FBXO15: variants seen among roughly 807,000 people sequenced by gnomAD.
FBXO15 encodes F-box only protein 15.
Under a neutral mutation model 49.5 loss-of-function variants are expected in FBXO15, and 30 were observed. That is an observed-to-expected ratio of 0.61 (90% confidence interval 0.45 to 0.82). The LOEUF (loss-of-function observed/expected upper bound fraction) is 0.82, where lower values mean the gene tolerates loss of function less well. Ranked by LOEUF, FBXO15 falls within the 40% of genes least tolerant of loss-of-function variation. FBXO15 has a pLI of 0.00. For synonymous variants in FBXO15, 250 were observed against 232.7 expected (o/e 1.07, Z -0.68); for missense variants, 591 against 631.5 (o/e 0.94, Z 0.69).
intron 5 of FBXO15, among the ~76,000 whole-genome samples, chr18:74,127,627 G>A (rs570577025): frequency 6.6e-6 from 1 of 152,302 alleles, no homozygotes; most frequent in South Asian, 2.1e-4. Context: ...TGCAATAAAA[G>A]TGCCGATCAA....
chr18:74,142,581 T>C (rs1229446910), intron 1 of FBXO15, among the ~76,000 whole-genome samples: 1 of 152,130 alleles, frequency 6.6e-6, no homozygotes. Flanking sequence ...TGTCCCTTAG[T>C]TTGTGTCAGC....
chr18:74,117,241 T>C (rs145292783), intron 8 of FBXO15, among the ~76,000 whole-genome samples: 73 of 152,306 alleles, frequency 4.8e-4, no homozygotes, highest in African/African-American at 1.5e-3. Context: ...GAAATCCTAC[T>C]TTGTCATCTT....
chr18:74,128,160 A>G (rs549001367), intron 5 of FBXO15, among the ~76,000 whole-genome samples: 4 of 152,286 alleles, frequency 2.6e-5, no homozygotes, highest in African/African-American at 9.6e-5. Flanking sequence ...ATTTTTCATC[A>G]TAACATTAAG....
Position 74,074,120 on chromosome 18 carries a change from G to T in FBXO15, c.1264-390C>A, listed in dbSNP as rs1453114750. Among the ~76,000 whole-genome samples the T allele has an allele frequency of 6.6e-6, 1 of 152,180 alleles. No homozygotes were observed. Among genetic ancestry groups the T allele is most frequent in the Non-Finnish European group, 1.5e-5 (1 of 68,032 alleles). ...AGGCACCGCATCACCCTGAGAAGCAGTGTGCCTGTGTTCCTGGGTCTTCAC... is the reference window on the plus strand; with the variant it reads ...AGGCACCGCATCACCCTGAGAAGCATTGTGCCTGTGTTCCTGGGTCTTCAC... On this transcript the variant is annotated intron_variant, in intron 9 of 9. Transcript: ENST00000419743. The surrounding 1 kb of genome is among the most constrained non-coding windows in gnomAD (Gnocchi z 4.7).
intron 3 of FBXO15, among the ~76,000 whole-genome samples, chr18:74,134,388 T>TC (rs1978585471): frequency 1.5e-5 from 2 of 135,860 alleles, no homozygotes; most frequent in African/African-American, 6.1e-5. Flanking sequence ...TTTTTTTTTT[T>TC]GAGATGGAGT....
intron 8 of FBXO15, among the ~76,000 whole-genome samples, chr18:74,101,860 T>C (rs578092541): frequency 5.3e-5 from 8 of 152,046 alleles, no homozygotes; most frequent in Non-Finnish European, 1.2e-4. Context: ...AAACATACAG[T>C]GGGGAAAGGA....
intron 8 of FBXO15, among the ~76,000 whole-genome samples, chr18:74,093,233 T>G: frequency 7.9e-6 from 1 of 126,750 alleles, no homozygotes; most frequent in East Asian, 2.9e-4. Context: ...TAAGGCAAGG[T>G]TCACTCATAC....
At chr18:74,093,188 G>A (rs890506410) in intron 8 of FBXO15, among the ~76,000 whole-genome samples, 4 of 148,504 alleles carry the variant, frequency 2.7e-5, no homozygotes, top group Non-Finnish European at 4.4e-5. Context: ...ATAGCATGGT[G>A]GAGTGCACAT....
intron 1 of FBXO15, among the ~76,000 whole-genome samples, chr18:74,145,342 G>GT (rs1019839697): frequency 1.6e-5 from 2 of 127,464 alleles, no homozygotes; most frequent in African/African-American, 3.9e-5. Flanking sequence ...TTGCTGTTTT[G>GT]TTTTTTCACA....
Position 74,081,933 on chromosome 18 carries a change from A to G in FBXO15, c.1257T>C (p.Cys419=), listed in dbSNP as rs773165597. ...LSWKTDIFDG[C]IKSCSMMDVT... ...AAAACGGTTCTGTTTTTACCTTTATACAGCCATCAAAAATATCAGTTTTCC... is the reference window on the plus strand; with the variant it reads ...AAAACGGTTCTGTTTTTACCTTTATGCAGCCATCAAAAATATCAGTTTTCC... Residue 419 remains cysteine (C), a synonymous_variant, in exon 9 of 10, where the codon TGT becomes TGC. Transcript: ENST00000419743. 6.2e-7 allele frequency: 1 copy of G among 1,610,988 alleles called. No homozygotes were observed. Among genetic ancestry groups the G allele is most frequent in the Non-Finnish European group, 8.5e-7 (1 of 1,178,608 alleles).
intron 8 of FBXO15, among the ~76,000 whole-genome samples, chr18:74,085,976 A>G (rs910554491): frequency 1.3e-5 from 2 of 152,240 alleles, no homozygotes; most frequent in African/African-American, 4.8e-5. Flanking sequence ...TTTCATAATA[A>G]GTCATCAGAT....
intron 1 of FBXO15, among the ~76,000 whole-genome samples, chr18:74,141,323 T>C (rs1345134638): frequency 3.3e-5 from 5 of 152,174 alleles, no homozygotes; most frequent in Admixed American, 3.3e-4. Flanking sequence ...GGTTACACTA[T>C]TTCTCTAGGA....
At position 74,081,990 on chromosome 18, in the gene FBXO15, G is replaced by C; in HGVS notation, c.1200C>G (p.His400Gln). The C allele has an allele frequency of 6.2e-7, 1 of 1,612,726 alleles. No homozygotes were observed. Among genetic ancestry groups the C allele is most frequent in the Non-Finnish European group, 8.5e-7 (1 of 1,178,956 alleles). Residue 400 changes from histidine (H) to glutamine (Q), a missense_variant, in exon 9 of 10, where the codon CAC (histidine) becomes CAG (glutamine). His to Gln is a conservative substitution (Grantham distance 24). Transcript: ENST00000419743. ...IVIHLKNNRE[H>Q]LPLIGKVGLS... Reference sequence around the variant, plus strand: ...GGCCAACTTTTCCAATAAGAGGTAGGTGTTCTCTGTTATTTTTTAAATGTA... The same window carrying C: ...GGCCAACTTTTCCAATAAGAGGTAGCTGTTCTCTGTTATTTTTTAAATGTA...
At chr18:74,095,773 T>G (rs1913245354) in intron 8 of FBXO15, among the ~76,000 whole-genome samples, 2 of 152,142 alleles carry the variant, frequency 1.3e-5, no homozygotes, top group Admixed American at 1.3e-4. Context: ...TGCCACAAAC[T>G]TTGAAGCTGT....
intron 5 of FBXO15, among the ~76,000 whole-genome samples, chr18:74,127,917 A>G (rs1161665737): frequency 2.0e-5 from 3 of 152,204 alleles, no homozygotes; most frequent in African/African-American, 7.2e-5. Context: ...TCTGTAAGTA[A>G]CATTTCATGA....
chr18:74,143,107 G>A (rs17088842), intron 1 of FBXO15, among the ~76,000 whole-genome samples: 6 of 151,828 alleles, frequency 4.0e-5, no homozygotes, highest in African/African-American at 1.2e-4. Context: ...ACCTAGAATC[G>A]GAGTCCACAC....
chr18:74,082,140 C>T (rs1912529272), intron 8 of FBXO15, 89 bp from the exon 9 acceptor site: 4 of 1,414,822 alleles, frequency 2.8e-6, no homozygotes, highest in Non-Finnish European at 3.9e-6. Flanking sequence ...ATAAGGATAC[C>T]TCACCCTGGT....
Position 74,135,860 on chromosome 18 carries a change from A to C in FBXO15, c.234T>G (p.Pro78=), listed in dbSNP as rs2145214758. Residue 78 remains proline (P), a synonymous_variant, in exon 3 of 10, where the codon CCT becomes CCG. Coordinates refer to ENST00000419743, the MANE Select transcript of FBXO15 (RefSeq NM_001142958.2). ...AAAATATCTTCAGCAAGATTTCTGA[A>C]GGCATTCTGCAAAAACAGAAAAAGA... The part of the protein sequence containing the change: ...SCCSGFLDGM[P]SEILLKIFSY... The C allele has an allele frequency of 6.2e-7, 1 of 1,610,226 alleles. No individual in the cohort carries two copies. Among genetic ancestry groups the C allele is most frequent in the South Asian group, 1.1e-5 (1 of 90,198 alleles).
intron 2 of FBXO15, 65 bp from the exon 3 acceptor site, chr18:74,135,931 C>A: frequency 7.5e-7 from 1 of 1,334,616 alleles, no homozygotes; most frequent in Admixed American, 2.1e-5. Flanking sequence ...TGCAGATTAC[C>A]CAGAAAACAA....
Sources: allele counts gnomAD v4.1 joint callset (sites outside exome capture counted in the v4.1 genomes callset), GRCh38; gene constraint gnomAD v4.1.1; non-coding constraint Gnocchi (gnomAD v3.1); transcripts MANE v1.5; gene names NCBI Gene and HGNC (gene_info 2026-07-23, HGNC 2026-07-21).